Variants in RIMS1 observed in about 807,000 individuals in gnomAD.
RIMS1 encodes the protein regulating synaptic membrane exocytosis 1.
In RIMS1, 83 loss-of-function variants were observed where a neutral mutation model predicts 214.1. The observed-to-expected ratio is 0.39, with a 90% CI of 0.32 to 0.47. The LOEUF (loss-of-function observed/expected upper bound fraction) is 0.47. RIMS1 is among the 20% of genes least tolerant of loss of function. The pLI is 0.99. For synonymous variants in RIMS1, 793 were observed against 786.8 expected, an observed-to-expected ratio of 1.01 and a Z score of -0.13; for missense variants, 2,050 against 2,161.8, an observed-to-expected ratio of 0.95 and a Z score of 1.03.
At chr6:72,356,237 G>C (rs779965403) in intron 29 of RIMS1, among the ~76,000 whole-genome samples, 12 of 151,694 alleles carry the variant, frequency 7.9e-5, no homozygotes, top group Non-Finnish European at 1.6e-4. Context: ...AAATCACTAA[G>C]CTTCAAGAAG....
chr6:72,169,997 T>C (rs2046802990), intron 4 of RIMS1, among the ~76,000 whole-genome samples: 1 of 152,220 alleles, frequency 6.6e-6, no homozygotes, highest in African/African-American at 2.4e-5. Flanking sequence ...AAGTCATTGC[T>C]ATAGTCCACA....
chr6:71,987,787 T>C (rs764539720), intron 2 of RIMS1, among the ~76,000 whole-genome samples: 3 of 152,192 alleles, frequency 2.0e-5, no homozygotes, highest in Non-Finnish European at 4.4e-5. Flanking sequence ...GTAGCCTTTC[T>C]GGTTTCATTT....
At chr6:72,195,493 C>G (rs1283607851) in intron 6 of RIMS1, among the ~76,000 whole-genome samples, 1 of 152,010 alleles carries the variant, frequency 6.6e-6, no homozygotes, top group South Asian at 2.1e-4. Flanking sequence ...ACTTTTACCC[C>G]TAAATATAGA....
intron 1 of RIMS1, among the ~76,000 whole-genome samples, chr6:71,889,363 C>G (rs752865586): frequency 3.3e-5 from 5 of 152,218 alleles, no homozygotes; most frequent in Non-Finnish European, 7.3e-5. Context: ...CACTGTCCAA[C>G]TGCTCATGTC....
At chr6:72,184,101 G>A (rs1373497553) in intron 6 of RIMS1, among the ~76,000 whole-genome samples, 1 of 152,060 alleles carries the variant, frequency 6.6e-6, no homozygotes, top group Non-Finnish European at 1.5e-5. Flanking sequence ...ATCTCCCTTT[G>A]AGCAGTTTCT....
At chr6:72,066,018 C>A (rs1374849975) in intron 2 of RIMS1, among the ~76,000 whole-genome samples, 1 of 151,694 alleles carries the variant, frequency 6.6e-6, no homozygotes, top group East Asian at 1.9e-4. Flanking sequence ...GGAACACATG[C>A]CTTTTCCATT....
chr6:71,952,819 C>T (rs1790043706), intron 1 of RIMS1, among the ~76,000 whole-genome samples: 1 of 152,170 alleles, frequency 6.6e-6, no homozygotes, highest in African/African-American at 2.4e-5. Flanking sequence ...TGGGGTTACT[C>T]ATGCTTCCTC....
intron 29 of RIMS1, among the ~76,000 whole-genome samples, chr6:72,340,058 T>G (rs2096999805): frequency 6.6e-6 from 1 of 152,198 alleles, no homozygotes; most frequent in South Asian, 2.1e-4. Context: ...TTTTTTCATG[T>G]GGTTTTTGGC....
intron 23 of RIMS1, 58 bp downstream of exon 23, chr6:72,274,490 C>T (rs2154194022): frequency 7.6e-7 from 1 of 1,311,526 alleles, no homozygotes; most frequent in East Asian, 2.3e-5. Context: ...AGGCCACCAA[C>T]TGAAGGATAA....
chr6:72,390,947 TTC>T, intron 30 of RIMS1: 1 of 445,084 alleles, frequency 2.2e-6, no homozygotes, highest in African/African-American at 2.0e-5. Flanking sequence ...GGTGAAGAAA[TTC>T]TGAGTCCACA....
At chr6:72,399,653 GTATCAT>G (rs60759110) in intron 33 of RIMS1, among the ~76,000 whole-genome samples, 38,369 of 151,712 alleles carry the variant, frequency 0.25, 5,010 homozygotes, top group Middle Eastern at 0.31. Context: ...TGTGCAATAA[GTATCAT>G]TATCCCCATT....
In RIMS1 at chr6:72,390,741, G is replaced by A; in HGVS notation, c.4505+5G>A. Reference sequence around the variant, plus strand: ...CAGTTACAGCTCTGAGGGCAAGTAAGTGCTGTCAGCACGTCTGCATGGCTG... The same window carrying A: ...CAGTTACAGCTCTGAGGGCAAGTAAATGCTGTCAGCACGTCTGCATGGCTG... On this transcript the variant is annotated splice_donor_5th_base_variant and intron_variant, in intron 30 of 33. Transcript: ENST00000521978. 6.2e-7 allele frequency: 1 copy of A among 1,613,550 alleles called. No homozygotes were observed. The highest frequency in any genetic ancestry group is 8.5e-7 in the Non-Finnish European group (1 of 1,179,586).
At chr6:72,259,825 A>C (rs879857859) in intron 18 of RIMS1, among the ~76,000 whole-genome samples, 3 of 152,142 alleles carry the variant, frequency 2.0e-5, no homozygotes, top group Non-Finnish European at 4.4e-5. Flanking sequence ...GTTTTATAAT[A>C]CCCACCTTGT....
At chr6:72,068,449 C>G (rs1829832020) in intron 2 of RIMS1, among the ~76,000 whole-genome samples, 1 of 152,094 alleles carries the variant, frequency 6.6e-6, no homozygotes, top group Non-Finnish European at 1.5e-5. Flanking sequence ...CAGTTGTCCT[C>G]AAAGGCAGAA....
chr6:72,199,952 A>G (rs992341484), intron 6 of RIMS1, among the ~76,000 whole-genome samples: 3 of 152,170 alleles, frequency 2.0e-5, no homozygotes, highest in Non-Finnish European at 4.4e-5. Flanking sequence ...TACTGTGGGA[A>G]GAAGGGATAT....
intron 6 of RIMS1, among the ~76,000 whole-genome samples, chr6:72,192,616 T>A (rs2463715): frequency 0.48 from 72,798 of 152,052 alleles, 18,615 homozygotes; most frequent in East Asian, 0.82. Flanking sequence ...ACACTGTGAT[T>A]AATTAGCCAA....
chr6:71,907,830 G>A (rs1368862259), intron 1 of RIMS1, among the ~76,000 whole-genome samples: 2 of 152,110 alleles, frequency 1.3e-5, no homozygotes, highest in African/African-American at 4.8e-5. Flanking sequence ...CTAGTAAGTT[G>A]GATATATTTT....
intron 2 of RIMS1, among the ~76,000 whole-genome samples, chr6:72,026,462 C>CG (rs1562145743): frequency 1.4e-5 from 2 of 141,926 alleles, no homozygotes; most frequent in East Asian, 4.6e-4. Context: ...ACCGCCCCCC[C>CG]CCCCAACTTT....
rs184844551 is a variant in RIMS1 at position 72,385,522 on chromosome 6, A to T, written c.4367-5076A>T. On this transcript the variant is annotated intron_variant, in intron 29 of 33. Coordinates refer to ENST00000521978, the MANE Select transcript of RIMS1 (RefSeq NM_014989.7). ...TAAGACCAGACTTTACATTTTCCTAAAATGTTGTATAATGGAATGATTGCA... is the reference window on the plus strand; with the variant it reads ...TAAGACCAGACTTTACATTTTCCTATAATGTTGTATAATGGAATGATTGCA... 2.0e-3 allele frequency among the ~76,000 whole-genome samples: 303 copies of T among 152,328 alleles called. 1 individual carries two copies. The highest frequency in any genetic ancestry group is 3.6e-3 in the Non-Finnish European group (242 of 68,018).
Sources: gnomAD v4.1 joint callset for allele counts (sites outside exome capture counted in the v4.1 genomes callset) on GRCh38, gnomAD v4.1.1 for gene constraint, MANE v1.5 for transcripts, NCBI Gene and HGNC (gene_info 2026-07-23, HGNC 2026-07-21) for gene names.